Variants in PCDHA10 observed in about 807,000 individuals in gnomAD.
PCDHA10 encodes the protein protocadherin alpha-10.
Under a neutral mutation model 61.2 loss-of-function variants are expected in PCDHA10, and 45 were observed. That is an observed-to-expected ratio of 0.74 (90% confidence interval 0.58 to 0.94). The LOEUF (loss-of-function observed/expected upper bound fraction) is 0.94, where lower values mean the gene tolerates loss of function less well. PCDHA10 is among the 40% of genes least tolerant of loss of function. The pLI is 0.00. For synonymous variants in PCDHA10, 602 were observed against 548.8 expected, an observed-to-expected ratio of 1.10 and a Z score of -1.35; for missense variants, 1,278 against 1,236.2, an observed-to-expected ratio of 1.03 and a Z score of -0.51.
intron 3 of PCDHA10, among the ~76,000 whole-genome samples, chr5:141,006,194 A>G (rs1455369245): frequency 1.3e-5 from 2 of 149,246 alleles, no homozygotes; most frequent in African/African-American, 2.5e-5. Context: ...TGCTATATGT[A>G]TGTTATGCCT....
At chr5:140,955,469 T>C (rs1324804121) in intron 1 of PCDHA10, among the ~76,000 whole-genome samples, 11 of 152,208 alleles carry the variant, frequency 7.2e-5, no homozygotes, top group Middle Eastern at 3.4e-3. Flanking sequence ...CCTTTTTGCT[T>C]GGCACCTCTC....
At chr5:140,975,671 T>C (rs923429904) in intron 1 of PCDHA10, among the ~76,000 whole-genome samples, 2 of 152,248 alleles carry the variant, frequency 1.3e-5, no homozygotes, top group Admixed American at 6.5e-5. Context: ...TGTGAGTTTA[T>C]TAATAAAATA....
chr5:140,878,378 G>T (rs1449332570), intron 1 of PCDHA10, among the ~76,000 whole-genome samples: 3 of 152,178 alleles, frequency 2.0e-5, no homozygotes, highest in African/African-American at 7.2e-5. Flanking sequence ...TATGATGAAT[G>T]ATTTTCTTCA....
intron 3 of PCDHA10, among the ~76,000 whole-genome samples, chr5:141,005,561 G>T (rs1554260149): frequency 6.6e-6 from 1 of 151,354 alleles, no homozygotes. Flanking sequence ...AATTAGCCGG[G>T]CATGGTGGCG....
At chr5:140,881,185 A>G (rs893291095) in intron 1 of PCDHA10, 7 of 166,796 alleles carry the variant, frequency 4.2e-5, no homozygotes, top group African/African-American at 1.7e-4. Flanking sequence ...CTTGCTAAAG[A>G]TATGTTAACA....
Position 140,857,724 on chromosome 5 carries a change from A to G in PCDHA10, c.1676A>G (p.Asp559Gly), listed in dbSNP as rs1277501257. 1 of 1,597,434 alleles carries G rather than the reference A, an allele frequency of 6.3e-7. No homozygotes were observed. The highest frequency in any genetic ancestry group is 1.7e-5 in the Admixed American group (1 of 59,278). Residue 559 changes from aspartate (D) to glycine (G), a missense_variant, in exon 1 of 4, where the codon GAC becomes GGC. By Grantham distance (94) the Asp-to-Gly change is moderately conservative. Transcript: ENST00000307360. ...CAGGTGTTCGTGCTGGACGAGAACGACAACGCTCCCGCGCTGCTGGCGTCT... is the reference window on the plus strand; with the variant it reads ...CAGGTGTTCGTGCTGGACGAGAACGGCAACGCTCCCGCGCTGCTGGCGTCT... Reference protein sequence around the residue: ...TLQVFVLDENDNAPALLASPA... With the variant: ...TLQVFVLDENGNAPALLASPA...
intron 1 of PCDHA10, chr5:140,968,672 G>A: frequency 6.2e-7 from 1 of 1,614,180 alleles, no homozygotes; most frequent in Non-Finnish European, 8.5e-7. Context: ...CTTTAAGGTA[G>A]AGCTGCACAC....
At chr5:140,884,471 G>A (rs2060197778) in intron 1 of PCDHA10, 1 of 1,613,802 alleles carries the variant, frequency 6.2e-7, no homozygotes, top group Non-Finnish European at 8.5e-7. Flanking sequence ...GTGCGCGCCG[G>A]GCAAGCCCAC....
At chr5:140,951,737 C>T (rs1223539805) in intron 1 of PCDHA10, among the ~76,000 whole-genome samples, 1 of 152,130 alleles carries the variant, frequency 6.6e-6, no homozygotes, top group Non-Finnish European at 1.5e-5. Context: ...CATTCTGCCA[C>T]TGCCCTCACC....
intron 1 of PCDHA10, among the ~76,000 whole-genome samples, chr5:140,923,034 C>T (rs1252133915): frequency 6.6e-6 from 1 of 152,174 alleles, no homozygotes; most frequent in Non-Finnish European, 1.5e-5. Context: ...TCTATTACTA[C>T]ATGTATAGTA....
At chr5:140,997,668 T>TTGTGTGTGTG (rs35184029) in intron 3 of PCDHA10, among the ~76,000 whole-genome samples, 47 of 148,344 alleles carry the variant, frequency 3.2e-4, no homozygotes, top group East Asian at 1.8e-3. Flanking sequence ...ATTATACAGC[T>TTGTGTGTGTG]TGTGTGTGTG....
chr5:141,003,684 A>C (rs1425078507), intron 3 of PCDHA10, among the ~76,000 whole-genome samples: 1 of 152,240 alleles, frequency 6.6e-6, no homozygotes, highest in Non-Finnish European at 1.5e-5. Flanking sequence ...TTCTGATTTT[A>C]AAATATATCC....
intron 1 of PCDHA10, among the ~76,000 whole-genome samples, chr5:140,875,100 G>C (rs558585314): frequency 6.6e-6 from 1 of 152,124 alleles, no homozygotes; most frequent in Non-Finnish European, 1.5e-5. Context: ...TTGATGTTTT[G>C]TTACTAATAT....
intron 1 of PCDHA10, chr5:140,862,841 C>A (rs782790470): frequency 7.0e-5 from 40 of 573,022 alleles, no homozygotes; most frequent in South Asian, 4.5e-4. Flanking sequence ...GCGGGCATGC[C>A]GCCTCTGAGC....
chr5:141,009,501 C>T (rs2098410009), intron 3 of PCDHA10, 126 bp from the exon 4 acceptor site: 4 of 1,492,480 alleles, frequency 2.7e-6, no homozygotes, highest in Non-Finnish European at 3.6e-6. Context: ...CAGACTTGAA[C>T]AAACAACTCG....
At chr5:140,862,293 C>A in intron 1 of PCDHA10, 1 of 268,596 alleles carries the variant, frequency 3.7e-6, no homozygotes, top group Non-Finnish European at 7.3e-6. Flanking sequence ...CAGGAGGACG[C>A]TCCACTGGGT....
chr5:140,971,468 A>C (rs938390548), intron 1 of PCDHA10, among the ~76,000 whole-genome samples: 7 of 152,174 alleles, frequency 4.6e-5, no homozygotes, highest in African/African-American at 7.2e-5. Context: ...AGTTATAGGG[A>C]GAGAGTGTCA....
At chr5:140,884,221 G>A in intron 1 of PCDHA10, 1 of 1,613,488 alleles carries the variant, frequency 6.2e-7, no homozygotes, top group East Asian at 2.2e-5. Context: ...TGGTGCTGGT[G>A]AAGGACCACG....
intron 3 of PCDHA10, among the ~76,000 whole-genome samples, chr5:141,001,813 G>A (rs782384459): frequency 2.6e-5 from 4 of 152,172 alleles, no homozygotes; most frequent in Non-Finnish European, 4.4e-5. Flanking sequence ...TCTACAATCG[G>A]CCAAATTCTG....
Sources: allele counts gnomAD v4.1 joint callset (sites outside exome capture counted in the v4.1 genomes callset), GRCh38; gene constraint gnomAD v4.1.1; transcripts MANE v1.5; gene names NCBI Gene and HGNC (gene_info 2026-07-23, HGNC 2026-07-21).